USP28: variants seen among roughly 807,000 people sequenced by gnomAD.
USP28 encodes the protein ubiquitin specific peptidase 28, also known as ubiquitin carboxyl-terminal hydrolase 28.
In USP28, 113 loss-of-function variants were observed where a neutral mutation model predicts 145.0. The ratio of observed to expected loss-of-function variants is 0.78; its 90% CI spans 0.67 to 0.91. The LOEUF is 0.91. USP28 is among the 40% of genes least tolerant of loss of function. The probability of loss-of-function intolerance (pLI) is 0.00; values close to 1 mark genes in which losing one functional copy is unlikely to be tolerated. For synonymous variants in USP28, 447 were observed against 450.9 expected (o/e 0.99, Z 0.11); for missense variants, 1,201 against 1,289.6 (o/e 0.93, Z 1.05).
At position 113,817,826 on chromosome 11, in the gene USP28, T is replaced by TA; in HGVS notation, c.1294dup (p.Tyr432LeufsTer19). ...CGGGAACCGAGCTGGGCCTGAGCCA[T>TA]ATTTCACATACCTAAGCGACAAAGA... On this transcript the variant is annotated frameshift_variant, in exon 13 of 25. Coordinates refer to ENST00000003302, the Ensembl canonical transcript of USP28. LOFTEE classifies it high-confidence loss of function. 6.2e-7 allele frequency: 1 copy of TA among 1,614,108 alleles called. No individual in the cohort carries two copies. The highest frequency in any genetic ancestry group is 8.5e-7 in the Non-Finnish European group (1 of 1,180,002).
chr11:113,811,450 G>A (rs985298693), intron 16 of USP28, among the ~76,000 whole-genome samples: 2 of 152,184 alleles, frequency 1.3e-5, no homozygotes, highest in Non-Finnish European at 2.9e-5. Context: ...CACTTTGAGA[G>A]GCCGAAGCAG....
At chr11:113,800,094 C>T (rs769109628) in intron 24 of USP28, among the ~76,000 whole-genome samples, 12 of 152,094 alleles carry the variant, frequency 7.9e-5, no homozygotes, top group Non-Finnish European at 1.6e-4. Flanking sequence ...CAAGCTCCGC[C>T]TCCCGGGTTC....
intron 3 of USP28, among the ~76,000 whole-genome samples, chr11:113,844,992 A>G (rs1336858842): frequency 6.6e-6 from 1 of 151,572 alleles, no homozygotes. Context: ...TGGTGGTGTG[A>G]GCCCATAGTC....
At chr11:113,858,009 G>A (rs1947254410) in intron 1 of USP28, among the ~76,000 whole-genome samples, 2 of 152,056 alleles carry the variant, frequency 1.3e-5, no homozygotes, top group Non-Finnish European at 2.9e-5. Context: ...GGGACTACGG[G>A]TGCCCACCAC....
At chr11:113,807,958 T>A in intron 18 of USP28, 1 of 1,121,982 alleles carries the variant, frequency 8.9e-7, no homozygotes, top group Non-Finnish European at 1.1e-6. Context: ...TACCTCCTCA[T>A]CATATCCATC....
intron 1 of USP28, among the ~76,000 whole-genome samples, chr11:113,871,754 G>C (rs1462144533): frequency 6.6e-6 from 1 of 152,156 alleles, no homozygotes; most frequent in Admixed American, 6.5e-5. Flanking sequence ...GCTCAGTCAA[G>C]TAGAAAAGAA....
At chr11:113,843,094 T>C (rs1565446418) in intron 3 of USP28, among the ~76,000 whole-genome samples, 2 of 152,138 alleles carry the variant, frequency 1.3e-5, no homozygotes, top group African/African-American at 4.8e-5. Flanking sequence ...TAGCTGGGCA[T>C]GGTTGCACGT....
At chr11:113,817,568 G>T in intron 13 of USP28, 90 bp downstream of exon 13, 2 of 1,430,828 alleles carry the variant, frequency 1.4e-6, no homozygotes, top group East Asian at 2.3e-5. Flanking sequence ...GCTCTTATAG[G>T]TGACTGTCAA....
chr11:113,819,002 A>C (rs1942187963), intron 12 of USP28, among the ~76,000 whole-genome samples: 1 of 152,168 alleles, frequency 6.6e-6, no homozygotes, highest in South Asian at 2.1e-4. Context: ...AGTTTAGTAG[A>C]ATCAGAGCAA....
chr11:113,868,806 C>T (rs974219168), intron 1 of USP28, among the ~76,000 whole-genome samples: 3 of 151,128 alleles, frequency 2.0e-5, no homozygotes, highest in Non-Finnish European at 4.4e-5. Flanking sequence ...GTCTGTAGTT[C>T]CAGCTACTCT....
intron 16 of USP28, 90 bp from the exon 17 acceptor site, chr11:113,809,344 C>G: frequency 7.8e-7 from 1 of 1,280,830 alleles, no homozygotes; most frequent in Non-Finnish European, 1.1e-6. Context: ...TCATCTTTAT[C>G]TTACTCCTAA....
exon 25 of USP28, chr11:113,798,337 C>G (rs772273141): frequency 6.6e-6 from 1 of 151,566 alleles, no homozygotes; most frequent in African/African-American, 2.4e-5. Context: ...ATCACTTGAG[C>G]CCAGGAGACA....
rs1431721556 is a variant in USP28 at position 113,841,990 on chromosome 11, G to A, written c.269-222C>T. Among the ~76,000 whole-genome samples the A allele has an allele frequency of 2.6e-5, 4 of 152,188 alleles. No individual in the cohort carries two copies. In the East Asian group the frequency reaches 7.7e-4, roughly 29 times the overall value. On this transcript the variant is annotated intron_variant, in intron 3 of 24. Coordinates refer to ENST00000003302, the Ensembl canonical transcript of USP28. Reference sequence around the variant, plus strand: ...AAATAACAAGCTGCAAAAATCAAATGAACCAAATACCCTCTTCTGTATTCT... The same window carrying A: ...AAATAACAAGCTGCAAAAATCAAATAAACCAAATACCCTCTTCTGTATTCT...
chr11:113,808,309 C>A (rs1940370642), exon 18 of USP28: 2 of 1,612,800 alleles, frequency 1.2e-6, no homozygotes, highest in Non-Finnish European at 1.7e-6. Context: ...TCACTCAGTG[C>A]CGCTTCTACA....
intron 16 of USP28, among the ~76,000 whole-genome samples, chr11:113,810,034 CAAAAAAAAAAAAA>C (rs368686301): frequency 1.4e-5 from 1 of 68,984 alleles, no homozygotes; most frequent in African/African-American, 5.7e-5. Flanking sequence ...GACTCCATCT[CAAAAAAAAAAAAA>C]AAAAAAAAAA....
intron 18 of USP28, 83 bp downstream of exon 19, chr11:113,807,868 T>C (rs887383872): frequency 1.1e-6 from 1 of 892,946 alleles, no homozygotes; most frequent in Non-Finnish European, 1.3e-6. Flanking sequence ...ATATCAGCTA[T>C]TGGCAGATAC....
intron 9 of USP28, 50 bp downstream of exon 9, chr11:113,830,817 T>C (rs1565408734): frequency 6.3e-7 from 1 of 1,575,278 alleles, no homozygotes. Context: ...GACACAGTAA[T>C]AAAGATATGA....
In USP28 at chr11:113,803,332, T is replaced by A. The variant is rs770500463; in HGVS notation, c.2739-51A>T. Reference sequence around the variant, plus strand: ...AGCTGAGTGCTCTTTTACTAAAATCTAGGGCTTAGACCTCACTTTTCCCCA... The same window carrying A: ...AGCTGAGTGCTCTTTTACTAAAATCAAGGGCTTAGACCTCACTTTTCCCCA... On this transcript the variant is annotated intron_variant, in intron 22 of 24. Coordinates refer to ENST00000003302, the Ensembl canonical transcript of USP28. The A allele has an allele frequency of 1.9e-6, 3 of 1,560,064 alleles. No individual in the cohort carries two copies. In the South Asian group the frequency reaches 3.6e-5, roughly 19 times the overall value.
At position 113,799,173 on chromosome 11, in the gene USP28, T is replaced by C. The variant is rs577716521; in HGVS notation, c.*67A>G. The stretch of plus-strand genomic sequence containing the variant: ...AATCCTTTTCCCAAGGTGAGCACTA[T>C]GACAACGAACTTCTGTGCAAGAGGC... On this transcript the variant is annotated 3_prime_UTR_variant, in exon 25 of 25. Transcript: ENST00000003302. 5.6e-4 allele frequency: 867 copies of C among 1,544,530 alleles called. 2 individuals carry two copies. The highest frequency in any genetic ancestry group is 7.3e-4 in the Non-Finnish European group (835 of 1,142,100).
Sources: allele counts gnomAD v4.1 joint callset (sites outside exome capture counted in the v4.1 genomes callset), GRCh38; gene constraint gnomAD v4.1.1; transcripts MANE v1.5; gene names NCBI Gene and HGNC (gene_info 2026-07-23, HGNC 2026-07-21).